The following CCDC148 variants were observed in gnomAD, a reference collection of about 807,000 sequenced individuals.
CCDC148 encodes the protein coiled-coil domain-containing protein 148.
In CCDC148, 89 loss-of-function variants were observed where a neutral mutation model predicts 85.7. The ratio of observed to expected loss-of-function variants is 1.04; its 90% CI spans 0.87 to 1.24. The LOEUF (loss-of-function observed/expected upper bound fraction) is 1.24. Ranked by LOEUF, CCDC148 falls within the 50% of genes most tolerant of loss-of-function variation. CCDC148 has a pLI of 0.00. For synonymous variants in CCDC148, 230 were observed against 213.9 expected (o/e 1.08, Z -0.66); for missense variants, 692 against 671.7 (o/e 1.03, Z -0.33).
chr2:158,402,058 C>T (rs964195627), intron 1 of CCDC148, among the ~76,000 whole-genome samples: 2 of 151,936 alleles, frequency 1.3e-5, no homozygotes, highest in Non-Finnish European at 1.5e-5. Context: ...TACCTAATAC[C>T]CATAGGCAGG....
At chr2:158,240,065 C>A (rs1449130964) in intron 10 of CCDC148, among the ~76,000 whole-genome samples, 1 of 151,300 alleles carries the variant, frequency 6.6e-6, no homozygotes, top group East Asian at 2.0e-4. Flanking sequence ...TGGCCCTCAG[C>A]CAAGTGGGGA....
At chr2:158,302,427 T>C (rs1242237080) in intron 9 of CCDC148, among the ~76,000 whole-genome samples, 1 of 151,950 alleles carries the variant, frequency 6.6e-6, no homozygotes, top group Non-Finnish European at 1.5e-5. Flanking sequence ...AGCATCCAGA[T>C]GAAGTTAACT....
chr2:158,401,970 T>A (rs1045565906), intron 1 of CCDC148, among the ~76,000 whole-genome samples: 2 of 151,982 alleles, frequency 1.3e-5, no homozygotes, highest in African/African-American at 4.8e-5. Flanking sequence ...CCACGAAGCA[T>A]GAGTGCACAC....
At chr2:158,394,619 A>T (rs928161184) in intron 1 of CCDC148, among the ~76,000 whole-genome samples, 3 of 152,012 alleles carry the variant, frequency 2.0e-5, no homozygotes, top group African/African-American at 7.2e-5. Flanking sequence ...GAAGGAAAAA[A>T]AAAAACTGTG....
chr2:158,309,785 C>G, intron 8 of CCDC148, 146 bp from the exon 9 acceptor site: 1 of 677,158 alleles, frequency 1.5e-6, no homozygotes. Flanking sequence ...ATACAGCAAC[C>G]AGAAACCAGG....
chr2:158,250,990 C>A, intron 9 of CCDC148, 78 bp from the exon 10 acceptor site: 1 of 1,291,740 alleles, frequency 7.7e-7, no homozygotes, highest in Non-Finnish European at 1.1e-6. Flanking sequence ...AGACTAGGCT[C>A]TATATCAAGC....
chr2:158,454,850 T>A lies in CCDC148; in HGVS notation c.25+1565A>T, dbSNP rs559555950. On this transcript the variant is annotated intron_variant, in intron 1 of 13. Coordinates refer to ENST00000283233, the MANE Select transcript of CCDC148 (RefSeq NM_138803.4). ...CTAAATACAAAAATAAACAAAAAAA[T>A]TAATGTTGAGTGGCAACTTATTTCA... Among the ~76,000 whole-genome samples, 435 of 152,330 alleles carry A rather than the reference T, an allele frequency of 2.9e-3. 4 individuals are homozygous for A. The highest frequency in any genetic ancestry group is 0.01 in the African/African-American group (421 of 41,578).
chr2:158,443,851 C>T (rs1183971481), intron 1 of CCDC148, among the ~76,000 whole-genome samples: 2 of 152,156 alleles, frequency 1.3e-5, no homozygotes, highest in East Asian at 3.9e-4. Context: ...AAGCCAGCCA[C>T]ACCTCCTGAC....
intron 11 of CCDC148, among the ~76,000 whole-genome samples, 170 bp from the exon 12 acceptor site, chr2:158,179,166 A>T (rs1358394837): frequency 7.2e-5 from 6 of 82,806 alleles, no homozygotes; most frequent in South Asian, 4.9e-4. Context: ...ATAAAATGCA[A>T]TTTTTTTTTT....
At chr2:158,444,984 A>G (rs145075649) in intron 1 of CCDC148, among the ~76,000 whole-genome samples, 1 of 152,246 alleles carries the variant, frequency 6.6e-6, no homozygotes, top group East Asian at 1.9e-4. Flanking sequence ...TCTTAGATAC[A>G]GAAGCCTTCC....
intron 10 of CCDC148, 90 bp from the exon 11 acceptor site, chr2:158,220,803 A>G: frequency 1.0e-6 from 1 of 972,704 alleles, no homozygotes; most frequent in Non-Finnish European, 1.5e-6. Flanking sequence ...GGTTCGTATT[A>G]CAAAATTGAA....
At chr2:158,422,481 T>C (rs746725076) in intron 1 of CCDC148, among the ~76,000 whole-genome samples, 2 of 151,690 alleles carry the variant, frequency 1.3e-5, no homozygotes, top group Non-Finnish European at 2.9e-5. Flanking sequence ...CAAAGACAAA[T>C]CCACATGATA....
chr2:158,252,984 C>G (rs1039835405), intron 9 of CCDC148, among the ~76,000 whole-genome samples: 1 of 151,740 alleles, frequency 6.6e-6, no homozygotes, highest in African/African-American at 2.4e-5. Context: ...TCCAAATATC[C>G]TGGTTTGGTC....
At chr2:158,448,305 T>A (rs1057169602) in intron 1 of CCDC148, among the ~76,000 whole-genome samples, 4 of 150,666 alleles carry the variant, frequency 2.7e-5, no homozygotes, top group African/African-American at 9.7e-5. Flanking sequence ...AACTCTTACC[T>A]TTTTTTTACA....
At chr2:158,409,859 G>A (rs112805856) in intron 1 of CCDC148, among the ~76,000 whole-genome samples, 26,875 of 152,050 alleles carry the variant, frequency 0.18, 3,106 homozygotes, top group Non-Finnish European at 0.25. Context: ...GGAGATAATC[G>A]AATCATGGGG....
At chr2:158,223,749 A>C (rs1371036388) in intron 10 of CCDC148, among the ~76,000 whole-genome samples, 1 of 152,234 alleles carries the variant, frequency 6.6e-6, no homozygotes, top group Non-Finnish European at 1.5e-5. Flanking sequence ...ACAGACCTGC[A>C]GCTGAGGGTG....
Position 158,401,824 on chromosome 2 carries a change from C to T in CCDC148, c.26-43254G>A, listed in dbSNP as rs946460911. ...GGAGAGGGCAGGGCAAAGGAGATTA[C>T]GGGGAGAACATATCAGAATTGTTGC... On this transcript the variant is annotated intron_variant, in intron 1 of 13. Coordinates refer to ENST00000283233, the MANE Select transcript of CCDC148 (RefSeq NM_138803.4). Among the ~76,000 whole-genome samples the T allele has an allele frequency of 2.6e-5, 4 of 151,906 alleles. No homozygotes were observed. In the South Asian group the frequency reaches 6.2e-4, roughly 24 times the overall value.
intron 1 of CCDC148, among the ~76,000 whole-genome samples, chr2:158,412,689 T>C (rs1349054736): frequency 1.8e-4 from 27 of 152,042 alleles, no homozygotes; most frequent in Admixed American, 1.6e-3. Flanking sequence ...AAGAAATCTA[T>C]GCCCTAATTT....
intron 1 of CCDC148, among the ~76,000 whole-genome samples, chr2:158,436,989 C>T (rs1687686978): frequency 6.6e-6 from 1 of 152,126 alleles, no homozygotes; most frequent in South Asian, 2.1e-4. Context: ...TAATTAATAG[C>T]TTACAAACCA....
Sources: gnomAD v4.1 joint callset for allele counts (sites outside exome capture counted in the v4.1 genomes callset) on GRCh38, gnomAD v4.1.1 for gene constraint, MANE v1.5 for transcripts, NCBI Gene and HGNC (gene_info 2026-07-23, HGNC 2026-07-21) for gene names.